SEC24B: variants seen among roughly 807,000 people sequenced by gnomAD.
The protein encoded by SEC24B is protein transport protein Sec24B.
Under a neutral mutation model 142.8 loss-of-function variants are expected in SEC24B, and 45 were observed. The observed-to-expected ratio is 0.32, with a 90% CI of 0.25 to 0.40. The LOEUF is 0.40. Among genes scored for constraint, SEC24B ranks in the 10% least tolerant of loss-of-function variants. The pLI is 1.00. For synonymous variants in SEC24B, 574 were observed against 568.2 expected, an observed-to-expected ratio of 1.01 and a Z score of -0.15; for missense variants, 1,409 against 1,526.8, an observed-to-expected ratio of 0.92 and a Z score of 1.29.
chr4:109,511,885 G>A, intron 8 of SEC24B, 72 bp from the exon 9 acceptor site: 2 of 1,440,406 alleles, frequency 1.4e-6, no homozygotes, highest in East Asian at 2.3e-5. Context: ...TGTATTTGGA[G>A]CAGATCTGTG....
intron 19 of SEC24B, 41 bp from the exon 20 acceptor site, chr4:109,531,344 A>G (rs368367382): frequency 6.5e-7 from 1 of 1,541,992 alleles, no homozygotes; most frequent in Non-Finnish European, 8.9e-7. Context: ...TGTCCACCAT[A>G]TTTGTATTTT....
At chr4:109,435,199 G>C (rs1728289691) in intron 1 of SEC24B, among the ~76,000 whole-genome samples, 1 of 152,222 alleles carries the variant, frequency 6.6e-6, no homozygotes, top group Non-Finnish European at 1.5e-5. Context: ...CTGAGGATCA[G>C]AAGTTGAGTG....
In SEC24B at chr4:109,513,841, T is replaced by C; in HGVS notation, c.1998T>C (p.Ala666=). The C allele has an allele frequency of 6.3e-7, 1 of 1,599,278 alleles. No individual in the cohort carries two copies. Among genetic ancestry groups the C allele is most frequent in the Non-Finnish European group, 8.6e-7 (1 of 1,166,638 alleles). The change falls in exon 10 of 24, where the codon GCT becomes GCC. Residue 666 remains alanine, a synonymous_variant. Transcript: ENST00000265175. ...EVQNSTVEFI[A]SSDYMLRPPQ... is the part of the protein sequence containing the mutation. Reference sequence around the variant, plus strand: ...AGAATTCAACTGTGGAGTTCATTGCTTCTTCAGATTACATGGTAACTATTC... The same window carrying C: ...AGAATTCAACTGTGGAGTTCATTGCCTCTTCAGATTACATGGTAACTATTC...
chr4:109,529,259 A>C (rs1420715194), intron 18 of SEC24B, among the ~76,000 whole-genome samples: 5 of 152,126 alleles, frequency 3.3e-5, no homozygotes, highest in African/African-American at 1.2e-4. Flanking sequence ...CTTAATTTTA[A>C]CTTTTGTTTT....
intron 2 of SEC24B, among the ~76,000 whole-genome samples, chr4:109,469,779 G>A (rs557171070): frequency 1.6e-4 from 25 of 152,170 alleles, no homozygotes; most frequent in Admixed American, 8.5e-4. Context: ...GCCACAAAGG[G>A]TAAACATGAT....
Position 109,525,473 on chromosome 4 carries a change from T to G in SEC24B, c.2760T>G (p.Phe920Leu). The change falls in exon 16 of 24, where the codon TTT becomes TTG. Residue 920 changes from phenylalanine to leucine, a missense_variant. Around this residue, in one of 2 missense-constraint regions of SEC24B, gnomAD observed 700 missense variants for 853.3 expected, o/e 0.82. Transcript: ENST00000265175. ...LKRYLTRKIGFEAVMRIRCTK... is the reference protein window; with the variant it reads ...LKRYLTRKIGLEAVMRIRCTK... ...GGTATCTCACAAGAAAAATTGGGTTTGAAGCTGTTATGAGAATAAGGTGTA... is the reference window on the plus strand; with the variant it reads ...GGTATCTCACAAGAAAAATTGGGTTGGAAGCTGTTATGAGAATAAGGTGTA... 4 of 1,611,466 alleles carry G rather than the reference T, an allele frequency of 2.5e-6. No homozygotes were observed. Among genetic ancestry groups the G allele is most frequent in the Non-Finnish European group, 3.4e-6 (4 of 1,178,654 alleles).
chr4:109,511,927 C>G (rs762447940), intron 8 of SEC24B, 30 bp from the exon 9 acceptor site: 2 of 1,606,624 alleles, frequency 1.2e-6, no homozygotes, highest in South Asian at 2.2e-5. Flanking sequence ...GTGCCTTTTT[C>G]TGCTACAGCT....
At chr4:109,482,286 G>A (rs1314640298) in intron 4 of SEC24B, among the ~76,000 whole-genome samples, 2 of 152,150 alleles carry the variant, frequency 1.3e-5, no homozygotes, top group Non-Finnish European at 2.9e-5. Flanking sequence ...TTATTTTCCT[G>A]CTTCATGAAA....
intron 22 of SEC24B, among the ~76,000 whole-genome samples, chr4:109,537,040 T>TAA (rs1725629683): frequency 6.6e-6 from 1 of 152,148 alleles, no homozygotes; most frequent in Admixed American, 6.6e-5. Flanking sequence ...AAAGTTCTCT[T>TAA]ACAAATCTTT....
chr4:109,531,130 C>G (rs964396944), intron 19 of SEC24B, among the ~76,000 whole-genome samples: 3 of 152,106 alleles, frequency 2.0e-5, no homozygotes. Context: ...GTCAATGCAT[C>G]ATTTTATTTA....
intron 14 of SEC24B, among the ~76,000 whole-genome samples, chr4:109,523,402 A>G (rs892983367): frequency 6.6e-6 from 1 of 152,050 alleles, no homozygotes; most frequent in Non-Finnish European, 1.5e-5. Context: ...CCAGGGAGGC[A>G]GAGTTTGCAG....
chr4:109,450,558 T>A (rs1729961069), intron 1 of SEC24B, among the ~76,000 whole-genome samples: 1 of 150,058 alleles, frequency 6.7e-6, no homozygotes. Context: ...CTTGGGAGGC[T>A]GAGGCAGGAG....
rs147300489 is a variant in SEC24B, at chr4:109,486,497, C to T, written c.1165+4716C>T. Among the ~76,000 whole-genome samples, 341 of 152,278 alleles carry T rather than the reference C, an allele frequency of 2.2e-3. 2 individuals are homozygous for T. Among genetic ancestry groups the T allele is most frequent in the African/African-American group, 7.8e-3 (323 of 41,558 alleles). ...AGCTATTCTTCTGATCTGTTCTCCT[C>T]GTTACTTCTTTAGATTTCAGCTCCC... is the stretch of plus-strand genomic sequence containing the variant. On this transcript the variant is annotated intron_variant, in intron 4 of 23. Coordinates refer to ENST00000265175, the MANE Select transcript of SEC24B (RefSeq NM_006323.5).
intron 15 of SEC24B, 29 bp from the exon 16 acceptor site, chr4:109,525,317 G>T: frequency 3.9e-6 from 6 of 1,536,704 alleles, no homozygotes; most frequent in Non-Finnish European, 5.3e-6. Context: ...TATTTCTATA[G>T]CTAATACTTT....
At chr4:109,534,541 C>T (rs187555549) in intron 22 of SEC24B, among the ~76,000 whole-genome samples, 75 of 151,672 alleles carry the variant, frequency 4.9e-4, no homozygotes, top group Middle Eastern at 3.4e-3. Context: ...GAGCCGAGAT[C>T]GTGCCACTGC....
At chr4:109,489,173 C>A (rs1414351777) in intron 4 of SEC24B, among the ~76,000 whole-genome samples, 1 of 151,918 alleles carries the variant, frequency 6.6e-6, no homozygotes, top group Non-Finnish European at 1.5e-5. Context: ...TCTAAAAATT[C>A]ATTTAGTCAT....
At chr4:109,537,518 C>T (rs1230505544) in intron 22 of SEC24B, among the ~76,000 whole-genome samples, 4 of 152,160 alleles carry the variant, frequency 2.6e-5, no homozygotes, top group African/African-American at 9.7e-5. Context: ...CCTGTGGTCC[C>T]AGCTACTTGG....
Position 109,491,390 on chromosome 4 carries a change from A to G in SEC24B, c.1229A>G (p.Glu410Gly). The G allele has an allele frequency of 6.2e-7, 1 of 1,613,224 alleles. No homozygotes were observed. Among genetic ancestry groups the G allele is most frequent in the Non-Finnish European group, 8.5e-7 (1 of 1,179,250 alleles). The change falls in exon 5 of 24, where the codon GAA (glutamate) becomes GGA (glycine). Residue 410 changes from glutamate (E) to glycine (G), a missense_variant. By Grantham distance (98) the Glu-to-Gly change is moderately conservative (BLOSUM62 -2). Transcript: ENST00000265175. ...ATGCCCAACAGTTATGATGCCCTGG[A>G]AGGAGGCAGTTACCCAGGTAATTTG... ...SPMPNSYDAL[E>G]GGSYPDMLSS...
chr4:109,483,003 C>CACACACACATACACACACACAT (rs1408633373), intron 4 of SEC24B, among the ~76,000 whole-genome samples: 6 of 84,078 alleles, frequency 7.1e-5, no homozygotes, highest in African/African-American at 2.5e-4. Flanking sequence ...CACACACACA[C>CACACACACATACACACACACAT]ATATTATACA....
Sources: gnomAD v4.1 joint callset for allele counts (sites outside exome capture counted in the v4.1 genomes callset) on GRCh38, gnomAD v4.1.1 for gene constraint, gnomAD v4.1.1 regional missense constraint, MANE v1.5 for transcripts, NCBI Gene and HGNC (gene_info 2026-07-23, HGNC 2026-07-21) for gene names.